Variants in SNAP91 observed in about 807,000 individuals in gnomAD.
The protein encoded by SNAP91 is synaptosome associated protein 91, also known as clathrin coat assembly protein AP180.
A neutral mutation model predicts 100.3 loss-of-function variants in SNAP91; 27 were observed. The observed-to-expected ratio is 0.27, with a 90% CI of 0.20 to 0.37. The LOEUF (loss-of-function observed/expected upper bound fraction) is 0.37. SNAP91 is among the 10% of genes least tolerant of loss of function. The probability of loss-of-function intolerance (pLI) is 1.00; values close to 1 mark genes in which losing one functional copy is unlikely to be tolerated. For missense variants in SNAP91, 986 were observed against 1,123.7 expected, an observed-to-expected ratio of 0.88 and a Z score of 1.75; for synonymous variants, 404 against 398.6, an observed-to-expected ratio of 1.01 and a Z score of -0.16.
chr6:83,678,795 G>T, intron 2 of SNAP91: 2 of 1,287,654 alleles, frequency 1.6e-6, no homozygotes, highest in Non-Finnish European at 2.0e-6. Flanking sequence ...ATTCTTGAAC[G>T]CCCTCATCTT....
At chr6:83,684,073 T>A (rs1490132618) in intron 2 of SNAP91, among the ~76,000 whole-genome samples, 1 of 152,182 alleles carries the variant, frequency 6.6e-6, no homozygotes, top group African/African-American at 2.4e-5. Context: ...AAAAGTATAG[T>A]TCTAAATACA....
At chr6:83,589,237 G>A (rs2093361725) in intron 22 of SNAP91, among the ~76,000 whole-genome samples, 1 of 152,174 alleles carries the variant, frequency 6.6e-6, no homozygotes, top group African/African-American at 2.4e-5. Context: ...ATTGGAAGCT[G>A]ATATAAGAAT....
intron 9 of SNAP91, among the ~76,000 whole-genome samples, chr6:83,619,519 GT>G (rs1262450707): frequency 6.6e-6 from 1 of 152,124 alleles, no homozygotes; most frequent in African/African-American, 2.4e-5. Context: ...TTAGTTGCTT[GT>G]TTTTAAAAAT....
At chr6:83,649,827 G>A (rs1304819737) in intron 7 of SNAP91, among the ~76,000 whole-genome samples, 1 of 151,534 alleles carries the variant, frequency 6.6e-6, no homozygotes, top group Non-Finnish European at 1.5e-5. Flanking sequence ...GACCTCAAGT[G>A]ATCTGCCCAC....
At chr6:83,615,145 G>A (rs73484895) in intron 10 of SNAP91, among the ~76,000 whole-genome samples, 637 of 152,106 alleles carry the variant, frequency 4.2e-3, no homozygotes, top group African/African-American at 0.014. Flanking sequence ...ATAGCTTGTG[G>A]TGACCACAAG....
chr6:83,681,622 G>T (rs2098990927), intron 2 of SNAP91, among the ~76,000 whole-genome samples: 2 of 152,066 alleles, frequency 1.3e-5, no homozygotes, highest in South Asian at 2.1e-4. Context: ...AAAAAGAAAA[G>T]AACTGTATTT....
chr6:83,704,001 A>C (rs766808376), intron 2 of SNAP91, among the ~76,000 whole-genome samples: 1 of 152,190 alleles, frequency 6.6e-6, no homozygotes. Flanking sequence ...GTTACTTTGG[A>C]CCAACTCTAT....
intron 26 of SNAP91, among the ~76,000 whole-genome samples, chr6:83,567,439 G>C (rs999376725): frequency 1.3e-5 from 2 of 152,202 alleles, no homozygotes; most frequent in East Asian, 1.9e-4. Flanking sequence ...ACATAGGCAT[G>C]GGCAAGGACT....
chr6:83,573,356 C>T (rs1811949556), intron 26 of SNAP91, among the ~76,000 whole-genome samples: 2 of 152,214 alleles, frequency 1.3e-5, no homozygotes, highest in Admixed American at 6.5e-5. Flanking sequence ...TAATCAATAT[C>T]GTGAAAATGG....
rs191119605 is a variant in SNAP91, at chr6:83,589,006, G to T, written c.2014+2205C>A. Among the ~76,000 whole-genome samples, 883 of 152,236 alleles carry T rather than the reference G, an allele frequency of 5.8e-3. 6 individuals carry two copies. The highest frequency in any genetic ancestry group is 0.02 in the African/African-American group (832 of 41,542). On this transcript the variant is annotated intron_variant, in intron 22 of 29. Coordinates refer to ENST00000369694, the MANE Select transcript of SNAP91 (RefSeq NM_001242792.2). The stretch of plus-strand genomic sequence containing the variant: ...AAGAATTCATAGGCTTCTGTGAAAG[G>T]CCAGAATATTTGATTTTATGGGCCG...
intron 2 of SNAP91, among the ~76,000 whole-genome samples, chr6:83,673,250 G>A (rs1286756870): frequency 1.3e-5 from 2 of 152,066 alleles, no homozygotes; most frequent in Admixed American, 1.3e-4. Context: ...CCAATGTAAT[G>A]GTATTAGGAG....
At chr6:83,593,801 C>A in intron 17 of SNAP91, 60 bp from the exon 18 acceptor site, 3 of 1,510,114 alleles carry the variant, frequency 2.0e-6, no homozygotes, top group Non-Finnish European at 2.6e-6. Context: ...CAAGAGACAG[C>A]ATCATAACTA....
At chr6:83,644,452 G>A (rs921919280) in intron 7 of SNAP91, among the ~76,000 whole-genome samples, 9 of 152,082 alleles carry the variant, frequency 5.9e-5, no homozygotes, top group African/African-American at 2.2e-4. Context: ...TTAAAGAGGG[G>A]ATTGGTCATC....
intron 5 of SNAP91, among the ~76,000 whole-genome samples, chr6:83,660,323 T>C (rs147396456): frequency 2.0e-5 from 3 of 152,336 alleles, no homozygotes; most frequent in African/African-American, 7.2e-5. Flanking sequence ...TTTTATAAAG[T>C]ATTCATCTAC....
chr6:83,659,115 G>T, intron 5 of SNAP91, 23 bp from the exon 6 acceptor site: 1 of 1,323,162 alleles, frequency 7.6e-7, no homozygotes, highest in Non-Finnish European at 1.1e-6. Context: ...AAAAAAAAAA[G>T]GTACAATTTC....
At chr6:83,622,408 G>A (rs2096765081) in intron 9 of SNAP91, among the ~76,000 whole-genome samples, 1 of 151,354 alleles carries the variant, frequency 6.6e-6, no homozygotes, top group African/African-American at 2.4e-5. Context: ...ATTACTAAAT[G>A]CACTTTGATA....
At chr6:83,611,116 C>T (rs1248841202) in intron 11 of SNAP91, among the ~76,000 whole-genome samples, 1 of 152,034 alleles carries the variant, frequency 6.6e-6, no homozygotes, top group Non-Finnish European at 1.5e-5. Context: ...GTTTAAATCA[C>T]TTAGGTTAAA....
chr6:83,680,742 G>A (rs2098977552), intron 2 of SNAP91, among the ~76,000 whole-genome samples: 1 of 152,108 alleles, frequency 6.6e-6, no homozygotes, highest in Admixed American at 6.6e-5. Context: ...TATTGAGGAT[G>A]TTTAGCAGCA....
chr6:83,670,347 G>A (rs910599807), intron 2 of SNAP91, among the ~76,000 whole-genome samples: 2 of 148,930 alleles, frequency 1.3e-5, no homozygotes, highest in African/African-American at 2.5e-5. Context: ...TTTATGTCAC[G>A]AGCTTTTCAT....
Sources: gnomAD v4.1 joint callset for allele counts (sites outside exome capture counted in the v4.1 genomes callset) on GRCh38, gnomAD v4.1.1 for gene constraint, MANE v1.5 for transcripts, NCBI Gene and HGNC (gene_info 2026-07-23, HGNC 2026-07-21) for gene names.